Variants in SVOPL observed in about 807,000 individuals in gnomAD.
SVOPL encodes putative transporter SVOPL.
Under a neutral mutation model 61.0 loss-of-function variants are expected in SVOPL, and 60 were observed. The ratio of observed to expected loss-of-function variants is 0.98; its 90% confidence interval spans 0.80 to 1.22. SVOPL has a LOEUF of 1.22. Among genes scored for constraint, SVOPL ranks in the 50% most tolerant of loss-of-function variants. SVOPL has a pLI of 0.00. For synonymous variants in SVOPL, 279 were observed against 250.0 expected (o/e 1.12, Z -1.09); for missense variants, 662 against 643.9 (o/e 1.03, Z -0.30).
At chr7:138,644,687 T>C (rs1218434672) in intron 9 of SVOPL, 30 bp downstream of exon 9, 2 of 1,611,076 alleles carry the variant, frequency 1.2e-6, no homozygotes, top group East Asian at 2.2e-5. Flanking sequence ...CCACTGGTGA[T>C]AGGAGAAGAC....
intron 1 of SVOPL, among the ~76,000 whole-genome samples, chr7:138,689,990 G>C (rs1356285722): frequency 6.6e-6 from 1 of 152,002 alleles, no homozygotes; most frequent in Non-Finnish European, 1.5e-5. Flanking sequence ...GCAACACGAA[G>C]GCAGATATGG....
chr7:138,656,954 A>G (rs1584845132), intron 6 of SVOPL, among the ~76,000 whole-genome samples: 1 of 152,098 alleles, frequency 6.6e-6, no homozygotes. Context: ...AGGCAGGAGA[A>G]TCACCTGAGC....
intron 9 of SVOPL, among the ~76,000 whole-genome samples, chr7:138,642,862 AT>A (rs1800892661): frequency 6.6e-6 from 1 of 150,616 alleles, no homozygotes; most frequent in Admixed American, 6.6e-5. Context: ...AAGAAACAAA[AT>A]TTTTAATAAT....
intron 5 of SVOPL, chr7:138,661,182 C>T: frequency 1.0e-6 from 1 of 985,262 alleles, no homozygotes; most frequent in Non-Finnish European, 1.2e-6. Flanking sequence ...GAGGATTTCA[C>T]CAGAAATCAA....
At chr7:138,596,797 C>A in intron 14 of SVOPL, 1 of 1,140,002 alleles carries the variant, frequency 8.8e-7, no homozygotes, top group Non-Finnish European at 1.1e-6. Context: ...TCTCCAGAGC[C>A]AAGTTTTGAT....
At chr7:138,657,655 T>G (rs1441621715) in intron 6 of SVOPL, among the ~76,000 whole-genome samples, 3 of 152,222 alleles carry the variant, frequency 2.0e-5, no homozygotes, top group Non-Finnish European at 4.4e-5. Flanking sequence ...TTTTAACATA[T>G]TTATTGAGCT....
At chr7:138,596,960 T>G in intron 14 of SVOPL, 1 of 1,110,934 alleles carries the variant, frequency 9.0e-7, no homozygotes, top group Non-Finnish European at 1.1e-6. Context: ...CAGGTGAAAG[T>G]TTTTTTTGGA....
intron 9 of SVOPL, among the ~76,000 whole-genome samples, chr7:138,643,874 A>C (rs1248026668): frequency 6.6e-6 from 1 of 152,062 alleles, no homozygotes; most frequent in Non-Finnish European, 1.5e-5. Flanking sequence ...ATATCACTGA[A>C]CTGTACATTT....
intron 1 of SVOPL, chr7:138,689,156 A>G (rs1802883727): frequency 1.0e-6 from 1 of 962,434 alleles, no homozygotes; most frequent in African/African-American, 1.6e-5. Flanking sequence ...AGTGCGTACC[A>G]TTCCGATGTT....
chr7:138,638,272 C>CAA lies in SVOPL; in HGVS notation c.789+6443_789+6444dup, dbSNP rs56000217. ...TGGGCAGCAGATTGAGACTCCACCTCAAAAAAAAAAAAAAAAAAAAAGTAT... is the reference window on the plus strand; with the variant it reads ...TGGGCAGCAGATTGAGACTCCACCTCAAAAAAAAAAAAAAAAAAAAAAAGTAT... On this transcript the variant is annotated intron_variant, in intron 9 of 15. Coordinates refer to ENST00000674285, the MANE Select transcript of SVOPL (RefSeq NM_001139456.2). 5.8e-3 allele frequency among the ~76,000 whole-genome samples: 555 copies of CAA among 95,788 alleles called. 18 individuals are homozygous for CAA. The highest frequency in any genetic ancestry group is 0.022 in the African/African-American group (516 of 23,934). The allele number at this position is 95,788 out of a possible 152,430, so 62.8% of individuals were successfully genotyped here.
Position 138,622,270 on chromosome 7 carries a change from G to GTATCTATC in SVOPL, c.1264-1143_1264-1136dup, listed in dbSNP as rs1224085695. Among the ~76,000 whole-genome samples, 266 of 83,760 alleles carry GTATCTATC rather than the reference G, an allele frequency of 3.2e-3. 17 individuals are homozygous for GTATCTATC. The highest frequency in any genetic ancestry group is 6.2e-3 in the Middle Eastern group (1 of 162). 54.9% of individuals were successfully genotyped at this position (83,760 alleles called of 152,430 possible). A position where few individuals can be genotyped will look rare whatever the true frequency, so the allele number is the denominator to read the frequency against. ...TCTATCTATGTATCTATCTATCTAT[G>GTATCTATC]TATCTATCTATCTATCTATCTATCT... On this transcript the variant is annotated intron_variant, in intron 13 of 15. Transcript: ENST00000674285.
chr7:138,647,238 G>A (rs996115706), intron 8 of SVOPL, among the ~76,000 whole-genome samples: 2 of 151,946 alleles, frequency 1.3e-5, no homozygotes, highest in African/African-American at 2.4e-5. Flanking sequence ...GCTGGGTGTG[G>A]TGGCACGCAC....
intron 5 of SVOPL, chr7:138,661,112 A>G: frequency 1.0e-6 from 1 of 985,424 alleles, no homozygotes; most frequent in Middle Eastern, 5.2e-4. Flanking sequence ...ACTTTAAAAC[A>G]TACAGCCAAT....
intron 1 of SVOPL, among the ~76,000 whole-genome samples, chr7:138,686,337 C>A (rs562231934): frequency 1.6e-4 from 21 of 133,558 alleles, no homozygotes; most frequent in African/African-American, 5.7e-4. Flanking sequence ...CCGGGGGGGG[C>A]GGAGGTTGCA....
In SVOPL at chr7:138,667,637, C is replaced by T. The variant is rs554533760; in HGVS notation, c.273+4382G>A. Among the ~76,000 whole-genome samples, 10 of 152,308 alleles carry T rather than the reference C, an allele frequency of 6.6e-5. No homozygotes were observed. The South Asian group carries it at 2.1e-3, about 32-fold the overall frequency. On this transcript the variant is annotated intron_variant, in intron 4 of 15. Transcript: ENST00000674285. Reference sequence around the variant, plus strand: ...TTTGCCTCATTGGCTGGCTACCCACCTCTTCCTACATGCTTTCTTTCCTTT... The same window carrying T: ...TTTGCCTCATTGGCTGGCTACCCACTTCTTCCTACATGCTTTCTTTCCTTT...
intron 14 of SVOPL, among the ~76,000 whole-genome samples, chr7:138,618,762 A>C (rs1249151861): frequency 6.6e-6 from 1 of 152,292 alleles, no homozygotes; most frequent in East Asian, 1.9e-4. Context: ...AGAAAGAAAA[A>C]AGAAAAAGAA....
At chr7:138,626,577 G>A (rs1323367887) in intron 12 of SVOPL, among the ~76,000 whole-genome samples, 1 of 152,104 alleles carries the variant, frequency 6.6e-6, no homozygotes, top group African/African-American at 2.4e-5. Context: ...ATTTGTTGTA[G>A]AGATGGGGTT....
chr7:138,679,907 C>T (rs17160459), intron 1 of SVOPL, among the ~76,000 whole-genome samples: 27,080 of 152,014 alleles, frequency 0.18, 2,602 homozygotes, highest in Middle Eastern at 0.31. Context: ...CTGTCTGGCA[C>T]GTAAGGAACC....
rs1563088325 is a variant in SVOPL, at chr7:138,612,419, AAAAAT to A, written c.1353+8622_1353+8626del. Among the ~76,000 whole-genome samples the A allele has an allele frequency of 6.8e-4, 89 of 131,436 alleles. 17 individuals carry two copies. The highest frequency in any genetic ancestry group is 2.3e-3 in the African/African-American group (82 of 36,184). The allele number at this position is 131,436 out of a possible 152,430, so 86.2% of individuals were successfully genotyped here. ...AAAAAATAAATTAAAAAAAAAAAAA[AAAAAT>A]AAAATAAAAAATAAAAAAAAAATAA... On this transcript the variant is annotated intron_variant, in intron 14 of 15. Coordinates refer to ENST00000674285, the MANE Select transcript of SVOPL (RefSeq NM_001139456.2).
Sources: allele counts gnomAD v4.1 joint callset (sites outside exome capture counted in the v4.1 genomes callset), GRCh38; gene constraint gnomAD v4.1.1; transcripts MANE v1.5; gene names NCBI Gene and HGNC (gene_info 2026-07-23, HGNC 2026-07-21).